Variants in TLL2 observed in about 807,000 individuals in gnomAD.
TLL2 encodes tolloid-like protein 2.
A neutral mutation model predicts 123.0 loss-of-function variants in TLL2; 106 were observed. The ratio of observed to expected loss-of-function variants is 0.86; its 90% CI spans 0.74 to 1.01. The LOEUF is 1.01. Among genes scored for constraint, TLL2 ranks in the 50% least tolerant of loss-of-function variants. The pLI is 0.00. For synonymous variants in TLL2, 494 were observed against 516.8 expected (o/e 0.96, Z 0.60); for missense variants, 1,332 against 1,336.7 (o/e 1.00, Z 0.06).
At chr10:96,479,175 A>T (rs1482952650) in intron 2 of TLL2, among the ~76,000 whole-genome samples, 8 of 152,246 alleles carry the variant, frequency 5.3e-5, no homozygotes, top group South Asian at 2.1e-4. Context: ...ACCTTATACG[A>T]GACCTCAAAA....
At chr10:96,456,770 T>C (rs1355130852) in intron 2 of TLL2, among the ~76,000 whole-genome samples, 2 of 152,216 alleles carry the variant, frequency 1.3e-5, no homozygotes, top group Non-Finnish European at 2.9e-5. Flanking sequence ...TGCCAGGGTA[T>C]GTGGGAGACA....
At chr10:96,500,138 C>A (rs1281958120) in intron 1 of TLL2, among the ~76,000 whole-genome samples, 1 of 96,086 alleles carries the variant, frequency 1.0e-5, no homozygotes, top group South Asian at 3.4e-4. Context: ...AAAAAAAAAT[C>A]TCTACCAAAA....
chr10:96,506,274 A>AAAAAAAAG (rs1564921549), intron 1 of TLL2, among the ~76,000 whole-genome samples: 1 of 149,574 alleles, frequency 6.7e-6, no homozygotes, highest in African/African-American at 2.5e-5. Context: ...AAGAAAAAAA[A>AAAAAAAAG]AAAAGAAAAA....
intron 13 of TLL2, among the ~76,000 whole-genome samples, chr10:96,388,198 T>C (rs996653746): frequency 3.3e-5 from 5 of 152,046 alleles, no homozygotes; most frequent in African/African-American, 1.2e-4. Context: ...GGTCACAAGT[T>C]TGAGACCAGC....
At position 96,376,678 on chromosome 10, in the gene TLL2, C is replaced by T; in HGVS notation, c.2448+14G>A. On this transcript the variant is annotated intron_variant, in intron 18 of 20. Coordinates refer to ENST00000357947, the MANE Select transcript of TLL2 (RefSeq NM_012465.4). ...TCAAGTCCACATTCTCAATAAACTA[C>T]AAAAATGACTCACGAGTTTCACTCT... is the stretch of plus-strand genomic sequence containing the variant. 1.2e-6 allele frequency: 2 copies of T among 1,609,546 alleles called. No individual in the cohort carries two copies. Among genetic ancestry groups the T allele is most frequent in the Non-Finnish European group, 1.7e-6 (2 of 1,178,044 alleles).
intron 20 of TLL2, among the ~76,000 whole-genome samples, chr10:96,368,934 G>T (rs1455691619): frequency 2.0e-5 from 3 of 152,180 alleles, no homozygotes; most frequent in Non-Finnish European, 4.4e-5. Context: ...TTTATCAAAG[G>T]CAGTGCATTG....
chr10:96,410,716 G>C (rs1846493746), intron 8 of TLL2: 3 of 599,014 alleles, frequency 5.0e-6, no homozygotes, highest in South Asian at 4.6e-5. Flanking sequence ...GCATGGCCTA[G>C]AGGTCATGAA....
At chr10:96,402,551 A>G (rs1383584525) in intron 10 of TLL2, among the ~76,000 whole-genome samples, 1 of 152,176 alleles carries the variant, frequency 6.6e-6, no homozygotes, top group Non-Finnish European at 1.5e-5. Flanking sequence ...TCTGGCTGCT[A>G]GAGAGCGCCA....
At chr10:96,480,777 C>T (rs2134104596) in intron 1 of TLL2, among the ~76,000 whole-genome samples, 1 of 152,330 alleles carries the variant, frequency 6.6e-6, no homozygotes, top group Non-Finnish European at 1.5e-5. Context: ...ACAGCTGCTT[C>T]TTTCTTCTTT....
At chr10:96,382,979 A>G (rs1455385359) in intron 16 of TLL2, among the ~76,000 whole-genome samples, 2 of 151,248 alleles carry the variant, frequency 1.3e-5, no homozygotes, top group African/African-American at 2.5e-5. Flanking sequence ...GGAGGGAGGG[A>G]AGAAGGATAT....
rs146545391 is a variant in TLL2 at position 96,384,708 on chromosome 10, G to T, written c.2073C>A (p.His691Gln). ...GCGTCTCAGAGCCGCAGAACCTGCC[G>T]TGCAGCTTGGCGTCGGGGGACAGGC... ...RSGLSPDAKL[H>Q]GRFCGSETPE... Residue 691 changes from histidine to glutamine, a missense_variant, in exon 16 of 21, where the codon CAC becomes CAA. Coordinates refer to ENST00000357947, the MANE Select transcript of TLL2 (RefSeq NM_012465.4). The T allele has an allele frequency of 2.0e-5, 32 of 1,611,748 alleles. No individual in the cohort carries two copies. In the African/African-American group the frequency reaches 4.1e-4, roughly 21 times the overall value.
intron 2 of TLL2, among the ~76,000 whole-genome samples, chr10:96,476,251 G>T (rs1193581193): frequency 0.02 from 555 of 27,760 alleles, 12 homozygotes; most frequent in Non-Finnish European, 0.026. Context: ...TTTTATTTTT[G>T]TTGTTGTTGT....
At chr10:96,497,116 G>A (rs1326633991) in intron 1 of TLL2, among the ~76,000 whole-genome samples, 1 of 149,680 alleles carries the variant, frequency 6.7e-6, no homozygotes, top group African/African-American at 2.5e-5. Flanking sequence ...CCCTGTCTCT[G>A]CTAAAAAAAA....
At chr10:96,482,841 A>G (rs1847324063) in intron 1 of TLL2, among the ~76,000 whole-genome samples, 1 of 152,182 alleles carries the variant, frequency 6.6e-6, no homozygotes, top group Admixed American at 6.5e-5. Flanking sequence ...TCTGTTAAAG[A>G]AAAAAAATTC....
Position 96,407,516 on chromosome 10 carries a change from C to T in TLL2, c.1165-2182G>A, listed in dbSNP as rs552028372. On this transcript the variant is annotated intron_variant, in intron 9 of 20. Coordinates refer to ENST00000357947, the MANE Select transcript of TLL2 (RefSeq NM_012465.4). The stretch of plus-strand genomic sequence containing the variant: ...CTATTGAGGGGACTGTGCGAGAAAC[C>T]ATATATAGAGTGTATATTGCTATGC... Among the ~76,000 whole-genome samples the T allele has an allele frequency of 2.6e-5, 4 of 152,248 alleles. No homozygotes were observed. In the South Asian group the frequency reaches 8.3e-4, roughly 32 times the overall value.
chr10:96,451,298 G>T (rs7094288), intron 2 of TLL2, among the ~76,000 whole-genome samples: 2,166 of 152,104 alleles, frequency 0.014, 54 homozygotes, highest in African/African-American at 0.05. Flanking sequence ...ATTTTCTTCC[G>T]CTCTCAACAA....
At chr10:96,386,914 T>C (rs774715566) in intron 14 of TLL2, 39 bp downstream of exon 14, 1 of 1,612,500 alleles carries the variant, frequency 6.2e-7, no homozygotes, top group South Asian at 1.1e-5. Flanking sequence ...ACTTGTCCCA[T>C]ATACCCTCTC....
intron 1 of TLL2, among the ~76,000 whole-genome samples, chr10:96,500,810 G>GAGGGAGAGAGGC (rs1847527098): frequency 7.2e-6 from 1 of 139,084 alleles, no homozygotes; most frequent in East Asian, 2.2e-4. Context: ...GGGACGGAGG[G>GAGGGAGAGAGGC]AGGGAGGGAG....
intron 2 of TLL2, among the ~76,000 whole-genome samples, chr10:96,459,953 C>A (rs1312974669): frequency 6.6e-6 from 1 of 151,252 alleles, no homozygotes; most frequent in South Asian, 2.1e-4. Flanking sequence ...TACAAATAAA[C>A]CATATGGAAA....
Sources: gnomAD v4.1 joint callset for allele counts (sites outside exome capture counted in the v4.1 genomes callset) on GRCh38, gnomAD v4.1.1 for gene constraint, MANE v1.5 for transcripts, NCBI Gene and HGNC (gene_info 2026-07-23, HGNC 2026-07-21) for gene names.